Variants in PPP2R2B observed in about 807,000 individuals in gnomAD.
PPP2R2B encodes the protein protein phosphatase 2 regulatory subunit Bbeta.
A neutral mutation model predicts 46.0 loss-of-function variants in PPP2R2B; 5 were observed. That is an observed-to-expected ratio of 0.11 (90% CI 0.06 to 0.23). The LOEUF (loss-of-function observed/expected upper bound fraction) is 0.23. Ranked by LOEUF, PPP2R2B falls within the 10% of genes least tolerant of loss-of-function variation. PPP2R2B has a pLI of 1.00. For missense variants in PPP2R2B, 367 were observed against 575.0 expected, an observed-to-expected ratio of 0.64 and a Z score of 3.70; for synonymous variants, 215 against 206.7, an observed-to-expected ratio of 1.04 and a Z score of -0.34.
chr5:147,050,607 G>T (rs1489062449), intron 1 of PPP2R2B, among the ~76,000 whole-genome samples: 5 of 152,026 alleles, frequency 3.3e-5, no homozygotes, highest in Admixed American at 6.6e-5. Flanking sequence ...ACTTGTCTGT[G>T]ACTCGGTTTT....
chr5:147,031,940 A>AT (rs1197850224), intron 1 of PPP2R2B, among the ~76,000 whole-genome samples: 1 of 152,232 alleles, frequency 6.6e-6, no homozygotes, highest in Non-Finnish European at 1.5e-5. Flanking sequence ...AACTATAAAA[A>AT]TTCTAGAAGA....
chr5:146,935,204 G>A (rs1054467292), intron 1 of PPP2R2B, among the ~76,000 whole-genome samples: 1 of 152,234 alleles, frequency 6.6e-6, no homozygotes, highest in South Asian at 2.1e-4. Context: ...TAGATCATGA[G>A]GGCAGAGCCC....
Position 146,693,786 on chromosome 5 carries a change from C to T in PPP2R2B, c.335-2546G>A, listed in dbSNP as rs550812243. ...ACAGTATTAGGCTTCTAATAATGGT[C>T]CGCAAATGACAGCTTTTATTAGAAT... On this transcript the variant is annotated intron_variant, in intron 4 of 9. Transcript: ENST00000394411. Among the ~76,000 whole-genome samples, 22 of 152,324 alleles carry T rather than the reference C, an allele frequency of 1.4e-4. No homozygotes were observed. The South Asian group carries it at 3.3e-3, about 23-fold the overall frequency.
In PPP2R2B at chr5:146,972,239, A is replaced by G. The variant is rs114310193; in HGVS notation, c.79+83426T>C. ...TTTGGAAGGAACACTTCACAGGTAAAGTTCCCTCCTCATGTCATATCAGAT... is the reference window on the plus strand; with the variant it reads ...TTTGGAAGGAACACTTCACAGGTAAGGTTCCCTCCTCATGTCATATCAGAT... On this transcript the variant is annotated intron_variant, in intron 1 of 8. Coordinates refer to the PPP2R2B transcript ENST00000336640. 7.6e-4 allele frequency among the ~76,000 whole-genome samples: 116 copies of G among 152,298 alleles called. 1 individual carries two copies. Among genetic ancestry groups the G allele is most frequent in the African/African-American group, 2.7e-3 (112 of 41,560 alleles).
At chr5:146,634,580 C>A (rs534834156) in intron 7 of PPP2R2B, among the ~76,000 whole-genome samples, 10 of 152,086 alleles carry the variant, frequency 6.6e-5, no homozygotes, top group African/African-American at 2.4e-4. Flanking sequence ...GGTGATCTGC[C>A]CGCCTCAGCC....
intron 1 of PPP2R2B, among the ~76,000 whole-genome samples, chr5:147,028,775 T>C (rs1755643068): frequency 6.6e-6 from 1 of 152,210 alleles, no homozygotes; most frequent in Non-Finnish European, 1.5e-5. Flanking sequence ...GTGGTTGTAA[T>C]AATTTATACT....
chr5:146,831,414 T>C (rs942013048), intron 2 of PPP2R2B, among the ~76,000 whole-genome samples: 13 of 146,038 alleles, frequency 8.9e-5, no homozygotes, highest in South Asian at 8.8e-4. Flanking sequence ...GGAGAATCAC[T>C]TGAACCCGGA....
At chr5:146,626,423 A>G (rs1774071301) in intron 7 of PPP2R2B, among the ~76,000 whole-genome samples, 1 of 152,262 alleles carries the variant, frequency 6.6e-6, no homozygotes, top group African/African-American at 2.4e-5. Flanking sequence ...CTTAGATTTT[A>G]AAAGTTGCAA....
intron 1 of PPP2R2B, among the ~76,000 whole-genome samples, chr5:146,920,103 C>T (rs956503482): frequency 5.3e-5 from 8 of 151,926 alleles, no homozygotes; most frequent in East Asian, 1.9e-4. Context: ...ATAATCAGGC[C>T]GTACATGAAG....
intron 1 of PPP2R2B, among the ~76,000 whole-genome samples, chr5:147,047,298 T>C (rs1337864828): frequency 6.6e-6 from 1 of 152,114 alleles, no homozygotes; most frequent in African/African-American, 2.4e-5. Context: ...GAGGAGAATA[T>C]TAAACATTTC....
rs189766305 is a variant in PPP2R2B, at chr5:146,857,745, T to C, written c.70+20257A>G. Among the ~76,000 whole-genome samples the C allele has an allele frequency of 1.2e-3, 175 of 152,080 alleles. 1 individual carries two copies. In the East Asian group the frequency reaches 0.02, roughly 18 times the overall value. On this transcript the variant is annotated intron_variant, in intron 2 of 9. Coordinates refer to ENST00000394411, the MANE Select transcript of PPP2R2B (RefSeq NM_181675.4). ...TCTTGTTGCCCAGGCTGGAGTGCAA[T>C]GGCACGATCTCGGCTCATTGCAACC...
At chr5:146,797,741 T>C (rs1353096642) in intron 2 of PPP2R2B, among the ~76,000 whole-genome samples, 4 of 152,164 alleles carry the variant, frequency 2.6e-5, no homozygotes, top group African/African-American at 7.2e-5. Context: ...TTTTAAAACA[T>C]TATCTCCCTC....
chr5:146,654,653 T>C lies in PPP2R2B; in HGVS notation c.448-3929A>G, dbSNP rs564361255. ...TATGCTTGCATCCTCAATAATATCATGCTGAAAGAACTATTTCTGTGGATA... is the reference window on the plus strand; with the variant it reads ...TATGCTTGCATCCTCAATAATATCACGCTGAAAGAACTATTTCTGTGGATA... On this transcript the variant is annotated intron_variant, in intron 5 of 9. Transcript: ENST00000394411. Among the ~76,000 whole-genome samples the C allele has an allele frequency of 5.9e-5, 9 of 152,318 alleles. No individual in the cohort carries two copies. In the East Asian group the frequency reaches 1.2e-3, roughly 20 times the overall value.
intron 1 of PPP2R2B, among the ~76,000 whole-genome samples, chr5:147,023,917 C>A (rs1288474015): frequency 6.6e-6 from 1 of 152,186 alleles, no homozygotes; most frequent in Non-Finnish European, 1.5e-5. Flanking sequence ...CATCAAAACT[C>A]CAGGTTCTTG....
intron 5 of PPP2R2B, among the ~76,000 whole-genome samples, chr5:146,680,031 C>G (rs1317287562): frequency 6.7e-6 from 1 of 149,536 alleles, no homozygotes; most frequent in Non-Finnish European, 1.5e-5. Context: ...TTGACCCAGC[C>G]ATCCCATTAC....
chr5:146,943,883 C>T (rs1045572737), intron 1 of PPP2R2B, among the ~76,000 whole-genome samples: 3 of 152,296 alleles, frequency 2.0e-5, no homozygotes, highest in East Asian at 1.9e-4. Context: ...TCCCAAAATA[C>T]GCCCTTCTTC....
intron 2 of PPP2R2B, among the ~76,000 whole-genome samples, chr5:146,792,985 A>C (rs1756302428): frequency 6.6e-6 from 1 of 152,112 alleles, no homozygotes; most frequent in Non-Finnish European, 1.5e-5. Flanking sequence ...TGTGGAGAAG[A>C]GATTTGGGGG....
chr5:146,688,381 C>A (rs962473170), intron 5 of PPP2R2B, among the ~76,000 whole-genome samples: 2 of 151,764 alleles, frequency 1.3e-5, no homozygotes, highest in African/African-American at 4.8e-5. Context: ...TGACCGCAGA[C>A]CCCCTTGTCT....
rs566461336 is a variant in PPP2R2B, at chr5:146,776,090, A to G, written c.71-74948T>C. Among the ~76,000 whole-genome samples, 9 of 152,254 alleles carry G rather than the reference A, an allele frequency of 5.9e-5. No individual in the cohort carries two copies. The East Asian group carries it at 1.4e-3, about 23-fold the overall frequency. Reference sequence around the variant, plus strand: ...CTGTTCAAAGTGACACACAGATTCAATGCGATCCCTATCAAAATCCTAATG... The same window carrying G: ...CTGTTCAAAGTGACACACAGATTCAGTGCGATCCCTATCAAAATCCTAATG... On this transcript the variant is annotated intron_variant, in intron 2 of 9. Coordinates refer to ENST00000394411, the MANE Select transcript of PPP2R2B (RefSeq NM_181675.4).
Sources: gnomAD v4.1 joint callset for allele counts (sites outside exome capture counted in the v4.1 genomes callset) on GRCh38, gnomAD v4.1.1 for gene constraint, MANE v1.5 for transcripts, NCBI Gene and HGNC (gene_info 2026-07-23, HGNC 2026-07-21) for gene names.